The following GALNT17 variants were observed in gnomAD, a reference collection of about 807,000 sequenced individuals.
GALNT17 encodes the protein UDP-GalNAc:polypeptide N-acetylgalactosaminyltransferase-like 3.
In GALNT17, 29 loss-of-function variants were observed where a neutral mutation model predicts 63.7. The ratio of observed to expected loss-of-function variants is 0.46; its 90% CI spans 0.34 to 0.62. GALNT17 has a LOEUF of 0.62. Among genes scored for constraint, GALNT17 ranks in the 20% least tolerant of loss-of-function variants. GALNT17 has a pLI of 0.01. For missense variants in GALNT17, 603 were observed against 799.6 expected (o/e 0.75, Z 2.97); for synonymous variants, 305 against 318.3 (o/e 0.96, Z 0.45).
chr7:71,648,682 C>A (rs1286150936), intron 6 of GALNT17, among the ~76,000 whole-genome samples: 1 of 152,166 alleles, frequency 6.6e-6, no homozygotes, highest in Non-Finnish European at 1.5e-5. Flanking sequence ...AGTGATCCTC[C>A]TGCCTCAGCC....
chr7:71,635,584 A>G (rs1584104496), intron 6 of GALNT17, among the ~76,000 whole-genome samples: 1 of 152,302 alleles, frequency 6.6e-6, no homozygotes, highest in Middle Eastern at 3.4e-3. Context: ...GTTACCAGAA[A>G]GGGGTCCTGA....
At chr7:71,471,578 C>T (rs1410314637) in intron 5 of GALNT17, among the ~76,000 whole-genome samples, 1 of 152,118 alleles carries the variant, frequency 6.6e-6, no homozygotes, top group Non-Finnish European at 1.5e-5. Flanking sequence ...CCAAAGTCCT[C>T]ATGGGCCACT....
chr7:71,237,206 A>C (rs1372983073), intron 1 of GALNT17, among the ~76,000 whole-genome samples: 1 of 152,144 alleles, frequency 6.6e-6, no homozygotes. Context: ...CTCCGTATGT[A>C]ATGCAAGTAG....
At chr7:71,693,917 A>G (rs530794809) in intron 9 of GALNT17, among the ~76,000 whole-genome samples, 1 of 152,060 alleles carries the variant, frequency 6.6e-6, no homozygotes, top group Non-Finnish European at 1.5e-5. Flanking sequence ...CGGGGAAGCT[A>G]ATATCCACAT....
intron 1 of GALNT17, among the ~76,000 whole-genome samples, chr7:71,163,431 T>A (rs1427074252): frequency 6.6e-6 from 1 of 152,176 alleles, no homozygotes; most frequent in Non-Finnish European, 1.5e-5. Flanking sequence ...TGATAAAATG[T>A]TCTTGGTGAC....
At chr7:71,623,178 C>T (rs1790321316) in intron 6 of GALNT17, among the ~76,000 whole-genome samples, 1 of 152,118 alleles carries the variant, frequency 6.6e-6, no homozygotes, top group Admixed American at 6.6e-5. Context: ...TGAATGCAAA[C>T]CCTGTCTCTG....
At chr7:71,291,189 C>T (rs867990080) in intron 1 of GALNT17, among the ~76,000 whole-genome samples, 1 of 152,228 alleles carries the variant, frequency 6.6e-6, no homozygotes, top group African/African-American at 2.4e-5. Flanking sequence ...ATTTCCCCAA[C>T]ACCTTTTACG....
chr7:71,377,754 C>A (rs544222250), intron 2 of GALNT17, among the ~76,000 whole-genome samples: 2 of 152,110 alleles, frequency 1.3e-5, no homozygotes, highest in African/African-American at 4.8e-5. Flanking sequence ...GGGGCAGTTT[C>A]CCCCATGTTG....
intron 1 of GALNT17, among the ~76,000 whole-genome samples, chr7:71,266,629 A>T (rs1281989777): frequency 6.6e-6 from 1 of 152,180 alleles, no homozygotes; most frequent in Admixed American, 6.5e-5. Context: ...TACATCTGCA[A>T]AGCCCCATTT....
chr7:71,614,712 G>GA (rs913412657), intron 6 of GALNT17, among the ~76,000 whole-genome samples: 4 of 149,196 alleles, frequency 2.7e-5, no homozygotes, highest in African/African-American at 9.9e-5. Flanking sequence ...AAAGAGAAAG[G>GA]AAAAAAAGAA....
chr7:71,294,534 C>T (rs1183589153), intron 1 of GALNT17, among the ~76,000 whole-genome samples: 1 of 150,294 alleles, frequency 6.7e-6, no homozygotes, highest in African/African-American at 2.5e-5. Context: ...CATGCCTCAG[C>T]TTCCCAAGTA....
chr7:71,651,220 CAA>C (rs71089971), intron 6 of GALNT17, among the ~76,000 whole-genome samples: 9 of 67,590 alleles, frequency 1.3e-4, no homozygotes, highest in Admixed American at 4.6e-4. Context: ...GATGGGAGCA[CAA>C]AAAAAAAAAA....
At chr7:71,438,263 T>G (rs1787002779) in intron 5 of GALNT17, among the ~76,000 whole-genome samples, 1 of 152,214 alleles carries the variant, frequency 6.6e-6, no homozygotes, top group East Asian at 1.9e-4. Context: ...CTGAAGAATT[T>G]GCAGTCCAAT....
At chr7:71,652,397 G>T (rs544369685) in intron 6 of GALNT17, among the ~76,000 whole-genome samples, 1 of 152,248 alleles carries the variant, frequency 6.6e-6, no homozygotes, top group South Asian at 2.1e-4. Context: ...CAACCGTCCC[G>T]TTTAGTGAAA....
rs546182454 is a variant in GALNT17, at chr7:71,214,421, C to G, written c.238+81381C>G. Among the ~76,000 whole-genome samples, 8 of 152,236 alleles carry G rather than the reference C, an allele frequency of 5.3e-5. No homozygotes were observed. In the South Asian group the frequency reaches 1.7e-3, roughly 32 times the overall value. ...GTGACCTAGTATCTCTTTTTCCTTG[C>G]ATTAAGAAGGCATTTCCCAAGAGAG... On this transcript the variant is annotated intron_variant, in intron 1 of 10. Coordinates refer to ENST00000333538, the MANE Select transcript of GALNT17 (RefSeq NM_022479.3).
intron 5 of GALNT17, among the ~76,000 whole-genome samples, chr7:71,570,662 C>T (rs577414376): frequency 6.6e-6 from 1 of 152,130 alleles, no homozygotes; most frequent in South Asian, 2.1e-4. Flanking sequence ...GTCACATTAT[C>T]CCTAGATGCT....
At chr7:71,654,051 C>T (rs539127629) in intron 6 of GALNT17, among the ~76,000 whole-genome samples, 1 of 152,110 alleles carries the variant, frequency 6.6e-6, no homozygotes, top group South Asian at 2.1e-4. Flanking sequence ...GAATCTGGCT[C>T]TTCACCCAGG....
At chr7:71,665,338 C>A in intron 6 of GALNT17, 73 bp from the exon 7 acceptor site, 1 of 1,474,568 alleles carries the variant, frequency 6.8e-7, no homozygotes, top group Non-Finnish European at 9.2e-7. Flanking sequence ...TGAACCATTG[C>A]TTTTGGGCTT....
chr7:71,576,434 C>T (rs541365820), intron 6 of GALNT17, among the ~76,000 whole-genome samples: 2 of 152,226 alleles, frequency 1.3e-5, no homozygotes, highest in African/African-American at 4.8e-5. Context: ...CTCTGAACTG[C>T]TTTCCACAGT....
Sources: allele counts gnomAD v4.1 joint callset (sites outside exome capture counted in the v4.1 genomes callset), GRCh38; gene constraint gnomAD v4.1.1; transcripts MANE v1.5; gene names NCBI Gene and HGNC (gene_info 2026-07-23, HGNC 2026-07-21).